SPATS2L: variants seen among roughly 807,000 people sequenced by gnomAD.
SPATS2L encodes SPATS2-like protein.
Under a neutral mutation model 59.6 loss-of-function variants are expected in SPATS2L, and 30 were observed. The observed-to-expected ratio is 0.50, with a 90% CI of 0.38 to 0.68. The LOEUF (loss-of-function observed/expected upper bound fraction) is 0.68, where lower values mean the gene tolerates loss of function less well. SPATS2L is among the 30% of genes least tolerant of loss of function. SPATS2L has a pLI of 0.00. For missense variants in SPATS2L, 615 were observed against 700.0 expected (o/e 0.88, Z 1.37); for synonymous variants, 252 against 263.5 (o/e 0.96, Z 0.42).
chr2:200,413,840 A>G (rs1460317509), intron 4 of SPATS2L, among the ~76,000 whole-genome samples: 2 of 152,380 alleles, frequency 1.3e-5, no homozygotes, highest in East Asian at 3.9e-4. Flanking sequence ...TCCATGGTGC[A>G]TAACTTTTCT....
At chr2:200,448,837 A>G (rs1452130826) in intron 8 of SPATS2L, among the ~76,000 whole-genome samples, 7 of 152,200 alleles carry the variant, frequency 4.6e-5, no homozygotes, top group Non-Finnish European at 1.0e-4. Flanking sequence ...CCAAGAGACA[A>G]TAATGGAAGA....
intron 2 of SPATS2L, among the ~76,000 whole-genome samples, chr2:200,386,748 A>C (rs750861525): frequency 3.3e-5 from 5 of 152,224 alleles, no homozygotes; most frequent in Non-Finnish European, 5.9e-5. Flanking sequence ...TGGCTCACAG[A>C]TTCATTCTTA....
At chr2:200,459,878 A>C (rs1207450310) in intron 9 of SPATS2L, 51 bp downstream of exon 9, 2 of 1,345,048 alleles carry the variant, frequency 1.5e-6, no homozygotes, top group Non-Finnish European at 2.1e-6. Flanking sequence ...AATCAGAAGC[A>C]ATCCATAGGT....
chr2:200,384,986 A>C (rs1163403328), intron 2 of SPATS2L, among the ~76,000 whole-genome samples: 1 of 152,246 alleles, frequency 6.6e-6, no homozygotes, highest in African/African-American at 2.4e-5. Flanking sequence ...GGACTTGAAT[A>C]GTTAGCCCGC....
chr2:200,430,715 C>CTTTTT (rs1179889614), intron 6 of SPATS2L, among the ~76,000 whole-genome samples: 2 of 127,260 alleles, frequency 1.6e-5, no homozygotes, highest in Admixed American at 8.0e-5. Flanking sequence ...GAATTGTTTC[C>CTTTTT]TTTTTTTTTT....
chr2:200,329,456 C>A lies in SPATS2L; in HGVS notation c.-47C>A. The A allele has an allele frequency of 6.4e-7, 1 of 1,550,580 alleles. No individual in the cohort carries two copies. Among genetic ancestry groups the A allele is most frequent in the South Asian group, 1.2e-5 (1 of 84,056 alleles). ...AGCTCTTCAGAAACCAGGCTGCTTT[C>A]AGGAACATTGCTGTGGATTCCCAGG... On this transcript the variant is annotated 5_prime_UTR_variant, in exon 2 of 13. Coordinates refer to ENST00000409140, the MANE Select transcript of SPATS2L (RefSeq NM_001100423.2).
chr2:200,354,698 C>G (rs1187778425), intron 2 of SPATS2L, among the ~76,000 whole-genome samples: 1 of 152,150 alleles, frequency 6.6e-6, no homozygotes, highest in Admixed American at 6.5e-5. Context: ...GAGAGGCTAG[C>G]TGTTGCCAAG....
chr2:200,410,628 C>CA (rs2082844016), intron 3 of SPATS2L, among the ~76,000 whole-genome samples: 1 of 152,004 alleles, frequency 6.6e-6, no homozygotes, highest in Non-Finnish European at 1.5e-5. Flanking sequence ...TCTCTATGCC[C>CA]AAAATGCTTT....
intron 2 of SPATS2L, among the ~76,000 whole-genome samples, chr2:200,337,177 A>G (rs2080170675): frequency 6.6e-6 from 1 of 152,326 alleles, no homozygotes; most frequent in Middle Eastern, 3.4e-3. Context: ...TTAAACTTCT[A>G]TTGGCAGCCA....
intron 10 of SPATS2L, 56 bp downstream of exon 10, chr2:200,467,455 T>C (rs2086677494): frequency 8.0e-7 from 1 of 1,246,076 alleles, no homozygotes; most frequent in East Asian, 2.4e-5. Context: ...ATCCCAATTA[T>C]GTTTGTTTTG....
At chr2:200,468,839 C>G (rs1250053604) in intron 10 of SPATS2L, among the ~76,000 whole-genome samples, 1 of 152,234 alleles carries the variant, frequency 6.6e-6, no homozygotes, top group Admixed American at 6.5e-5. Flanking sequence ...AAAATCCCAG[C>G]TTGTTAGAAC....
chr2:200,473,141 C>A (rs2087201993), intron 12 of SPATS2L, 89 bp downstream of exon 12: 2 of 1,282,498 alleles, frequency 1.6e-6, no homozygotes, highest in Non-Finnish European at 2.1e-6. Flanking sequence ...AGATTCTGGG[C>A]CTCCTGGGGT....
chr2:200,354,762 C>T (rs1416252128), intron 2 of SPATS2L, among the ~76,000 whole-genome samples: 1 of 152,130 alleles, frequency 6.6e-6, no homozygotes, highest in East Asian at 1.9e-4. Flanking sequence ...GTAGAAAATA[C>T]AAATAGCTTT....
chr2:200,322,261 CTTCTT>C (rs2079586580), intron 1 of SPATS2L, among the ~76,000 whole-genome samples: 1 of 152,146 alleles, frequency 6.6e-6, no homozygotes, highest in Non-Finnish European at 1.5e-5. Context: ...ATATGAAACT[CTTCTT>C]TGTTTTAGTT....
In SPATS2L at chr2:200,406,850, AGG is replaced by A. The variant is rs1335401610; in HGVS notation, c.40-5457_40-5456del. 4.6e-5 allele frequency among the ~76,000 whole-genome samples: 7 copies of A among 152,344 alleles called. No homozygotes were observed. The South Asian group carries it at 1.0e-3, about 23-fold the overall frequency. On this transcript the variant is annotated intron_variant, in intron 3 of 12. Transcript: ENST00000409140. Reference sequence around the variant, plus strand: ...GTAAATAATTAAATGAAAGAAGAAGAGGGGGTAAAACCATGTTAACCACCCTA... The same window carrying A: ...GTAAATAATTAAATGAAAGAAGAAGAGGGTAAAACCATGTTAACCACCCTA...
At chr2:200,383,037 C>T (rs1253391846) in intron 2 of SPATS2L, among the ~76,000 whole-genome samples, 1 of 152,100 alleles carries the variant, frequency 6.6e-6, no homozygotes, top group Non-Finnish European at 1.5e-5. Flanking sequence ...TTTGCTAGTG[C>T]ACGTCCGAAT....
intron 2 of SPATS2L, among the ~76,000 whole-genome samples, chr2:200,381,167 T>G (rs2081797388): frequency 6.6e-6 from 1 of 152,190 alleles, no homozygotes; most frequent in African/African-American, 2.4e-5. Context: ...AGAAGGAGCA[T>G]TTGTTTCCCT....
chr2:200,409,424 A>G (rs1178115037), intron 3 of SPATS2L, among the ~76,000 whole-genome samples: 1 of 152,170 alleles, frequency 6.6e-6, no homozygotes, highest in African/African-American at 2.4e-5. Context: ...ATGAGGAGTG[A>G]CACAGTGAGG....
chr2:200,441,631 T>C (rs890506934), intron 8 of SPATS2L, among the ~76,000 whole-genome samples: 2 of 152,152 alleles, frequency 1.3e-5, no homozygotes, highest in African/African-American at 4.8e-5. Context: ...TGTCCATTCT[T>C]GGCTTTTTTC....
Sources: allele counts gnomAD v4.1 joint callset (sites outside exome capture counted in the v4.1 genomes callset), GRCh38; gene constraint gnomAD v4.1.1; transcripts MANE v1.5; gene names NCBI Gene and HGNC (gene_info 2026-07-23, HGNC 2026-07-21).